The following PREX2 variants were observed in gnomAD, a reference collection of about 807,000 sequenced individuals.
The protein encoded by PREX2 is phosphatidylinositol 3,4,5-trisphosphate-dependent Rac exchanger 2 protein.
Under a neutral mutation model 203.2 loss-of-function variants are expected in PREX2, and 107 were observed. The observed-to-expected ratio is 0.53, with a 90% CI of 0.45 to 0.62. PREX2 has a LOEUF of 0.62. Ranked by LOEUF, PREX2 falls within the 20% of genes least tolerant of loss-of-function variation. The probability of loss-of-function intolerance (pLI) is 0.00; values close to 1 mark genes in which losing one functional copy is unlikely to be tolerated. For synonymous variants in PREX2, 672 were observed against 663.6 expected, an observed-to-expected ratio of 1.01 and a Z score of -0.19; for missense variants, 1,777 against 1,955.9, an observed-to-expected ratio of 0.91 and a Z score of 1.72.
Position 68,099,732 on chromosome 8 carries a change from C to T in PREX2, c.2604C>T (p.Thr868=), listed in dbSNP as rs1419910257. 3 of 1,613,778 alleles carry T rather than the reference C, an allele frequency of 1.9e-6. No individual in the cohort carries two copies. The highest frequency in any genetic ancestry group is 3.3e-5 in the Admixed American group (2 of 59,968). ...ATGAGCATTTTGTACAAAACTGTAC[C>T]AGCCTAAATTCTCTAAATGAAGTGA... The part of the protein sequence containing the change: ...KSDEHFVQNC[T]SLNSLNEVIP... Residue 868 remains threonine (T), a synonymous_variant, in exon 23 of 40, where the codon ACC becomes ACT. Transcript: ENST00000288368.
intron 1 of PREX2, among the ~76,000 whole-genome samples, chr8:67,969,264 C>T (rs554362676): frequency 6.6e-6 from 1 of 152,268 alleles, no homozygotes; most frequent in African/African-American, 2.4e-5. Flanking sequence ...GTTAACCCAG[C>T]TCAGTTCTCT....
chr8:67,997,828 T>C (rs1806810699), intron 1 of PREX2, among the ~76,000 whole-genome samples: 1 of 152,210 alleles, frequency 6.6e-6, no homozygotes. Flanking sequence ...GATCATGATA[T>C]ATTTTTCTAT....
intron 35 of PREX2, among the ~76,000 whole-genome samples, chr8:68,164,748 A>C (rs554831268): frequency 3.8e-4 from 57 of 151,858 alleles, no homozygotes; most frequent in Non-Finnish European, 7.2e-4. Context: ...ACGCCAGGCT[A>C]ATTTTGTATT....
At chr8:68,093,116 C>T (rs576418850) in intron 20 of PREX2, among the ~76,000 whole-genome samples, 13 of 152,172 alleles carry the variant, frequency 8.5e-5, no homozygotes, top group South Asian at 4.2e-4. Context: ...TTAGGCCAGG[C>T]GCAGTAGCTC....
chr8:68,091,236 G>T (rs547108557), intron 20 of PREX2, among the ~76,000 whole-genome samples: 9 of 152,252 alleles, frequency 5.9e-5, no homozygotes, highest in Non-Finnish European at 1.0e-4. Context: ...ACTGCATTTA[G>T]GTCTTAAAAG....
intron 1 of PREX2, among the ~76,000 whole-genome samples, chr8:67,979,642 ACT>A (rs766506410): frequency 1.3e-5 from 2 of 152,326 alleles, no homozygotes; most frequent in East Asian, 3.9e-4. Context: ...GTGGTTGTTA[ACT>A]CTGAAGAATC....
At chr8:68,010,159 G>A (rs923823408) in intron 1 of PREX2, among the ~76,000 whole-genome samples, 29 of 152,262 alleles carry the variant, frequency 1.9e-4, no homozygotes, top group African/African-American at 6.0e-4. Context: ...TCTGCAATGG[G>A]TGGAAGATAA....
At chr8:68,017,771 A>T (rs1322049355) in intron 1 of PREX2, 75 bp from the exon 2 acceptor site, 17 of 1,226,936 alleles carry the variant, frequency 1.4e-5, no homozygotes, top group Non-Finnish European at 1.9e-5. Flanking sequence ...TAAAGAAATT[A>T]GTTTAATTCT....
intron 6 of PREX2, among the ~76,000 whole-genome samples, chr8:68,033,351 A>G (rs1406281971): frequency 6.6e-6 from 1 of 152,152 alleles, no homozygotes; most frequent in African/African-American, 2.4e-5. Flanking sequence ...CAGAAGTCAA[A>G]TGAAATAAGT....
At chr8:68,073,256 TAAAGA>T (rs1809251254) in intron 14 of PREX2, among the ~76,000 whole-genome samples, 1 of 151,076 alleles carries the variant, frequency 6.6e-6, no homozygotes, top group African/African-American at 2.4e-5. Context: ...TTTCACTGAT[TAAAGA>T]AAAGATGAAG....
intron 18 of PREX2, among the ~76,000 whole-genome samples, chr8:68,085,008 A>T (rs1438645079): frequency 6.6e-6 from 1 of 152,184 alleles, no homozygotes; most frequent in African/African-American, 2.4e-5. Context: ...CAGAATAGCA[A>T]TCTGTGTCTT....
intron 22 of PREX2, among the ~76,000 whole-genome samples, chr8:68,098,927 CATATATATGTGTATATATAT>C (rs1310179285): frequency 9.4e-6 from 1 of 106,580 alleles, no homozygotes. Flanking sequence ...AGAAATGCTA[CATATATATGTGTATATATAT>C]ATATATATAT....
At chr8:68,230,175 GCTCATTCTT>G (rs148898995) in intron 39 of PREX2, among the ~76,000 whole-genome samples, 16,004 of 152,034 alleles carry the variant, frequency 0.11, 1,656 homozygotes, top group East Asian at 0.45. Context: ...ATTAAATCTT[GCTCATTCTT>G]CTCCTTTGAT....
chr8:68,156,661 C>A (rs866854827), intron 34 of PREX2, among the ~76,000 whole-genome samples: 1 of 152,080 alleles, frequency 6.6e-6, no homozygotes, highest in Non-Finnish European at 1.5e-5. Flanking sequence ...GTGACTAAAT[C>A]TGAAAGAGGT....
intron 23 of PREX2, chr8:68,101,356 TGTTGA>T (rs752003476): frequency 2.5e-5 from 13 of 518,742 alleles, no homozygotes; most frequent in Admixed American, 9.7e-5. Context: ...ATGTTTGGGT[TGTTGA>T]GTTGAGTTTG....
At chr8:68,172,016 A>G (rs546046571) in intron 35 of PREX2, among the ~76,000 whole-genome samples, 50 of 152,226 alleles carry the variant, frequency 3.3e-4, no homozygotes, top group African/African-American at 1.1e-3. Flanking sequence ...TTTTAGCAGA[A>G]TTTCATTTTT....
At chr8:68,193,353 C>T (rs1238294839) in intron 37 of PREX2, among the ~76,000 whole-genome samples, 3 of 152,138 alleles carry the variant, frequency 2.0e-5, no homozygotes, top group Non-Finnish European at 4.4e-5. Flanking sequence ...GGGGTACATG[C>T]ACAGAACATG....
chr8:67,987,405 C>T (rs1563486342), intron 1 of PREX2, among the ~76,000 whole-genome samples: 1 of 152,122 alleles, frequency 6.6e-6, no homozygotes, highest in African/African-American at 2.4e-5. Flanking sequence ...TCTTATTCCT[C>T]TTCAATCGGC....
chr8:68,115,723 T>C (rs776908501), intron 25 of PREX2, 30 bp from the exon 26 acceptor site: 1 of 1,543,196 alleles, frequency 6.5e-7, no homozygotes, highest in Admixed American at 1.9e-5. Context: ...AGTTTGAAAA[T>C]GTGCATTTTT....
Sources: gnomAD v4.1 joint callset for allele counts (sites outside exome capture counted in the v4.1 genomes callset) on GRCh38, gnomAD v4.1.1 for gene constraint, MANE v1.5 for transcripts, NCBI Gene and HGNC (gene_info 2026-07-23, HGNC 2026-07-21) for gene names.